The following ZFHX3 variants were observed in gnomAD, a reference collection of about 807,000 sequenced individuals.
The protein encoded by ZFHX3 is zinc finger homeobox 3.
Under a neutral mutation model 279.1 loss-of-function variants are expected in ZFHX3, and 42 were observed. The ratio of observed to expected loss-of-function variants is 0.15; its 90% confidence interval spans 0.12 to 0.19. The LOEUF is 0.19. ZFHX3 is among the 10% of genes least tolerant of loss of function. The pLI is 1.00. For missense variants in ZFHX3, 4,981 were observed against 4,754.0 expected (o/e 1.05, Z -1.40); for synonymous variants, 2,293 against 1,957.8 (o/e 1.17, Z -4.52).
chr16:73,001,540 TG>T (rs1245494148), intron 1 of ZFHX3, among the ~76,000 whole-genome samples: 1 of 151,838 alleles, frequency 6.6e-6, no homozygotes, highest in African/African-American at 2.4e-5. Context: ...AGGCCAGGAG[TG>T]CTGACTCATG....
rs1158037723 is a variant in ZFHX3, at chr16:72,944,657, A to AT, written c.3216+5811dup. Among the ~76,000 whole-genome samples the AT allele has an allele frequency of 4.6e-5, 7 of 152,174 alleles. No homozygotes were observed. The South Asian group carries it at 8.3e-4, about 18-fold the overall frequency. ...CTTTTTTATTCCTGGATTTTTCCAAATTTTTTTACAGTGAACATGCATTAC... is the reference window on the plus strand; with the variant it reads ...CTTTTTTATTCCTGGATTTTTCCAAATTTTTTTTACAGTGAACATGCATTAC... On this transcript the variant is annotated intron_variant, in intron 3 of 9. Coordinates refer to ENST00000268489, the MANE Select transcript of ZFHX3 (RefSeq NM_006885.4).
chr16:72,829,416 A>T, intron 5 of ZFHX3: 3 of 210,144 alleles, frequency 1.4e-5, no homozygotes, highest in Admixed American at 5.2e-5. Flanking sequence ...TGGACCTTCA[A>T]TAGAGGAAGA....
chr16:73,550,498 A>G (rs908601953), intron 2 of ZFHX3, among the ~76,000 whole-genome samples: 1 of 152,136 alleles, frequency 6.6e-6, no homozygotes, highest in Non-Finnish European at 1.5e-5. Context: ...TTTACACCAC[A>G]CAGGATAAAA....
chr16:73,028,369 G>A (rs1964584741), intron 1 of ZFHX3, among the ~76,000 whole-genome samples: 1 of 152,180 alleles, frequency 6.6e-6, no homozygotes, highest in African/African-American at 2.4e-5. Context: ...GTCCTGCCAG[G>A]AAGAAAGCCA....
intron 1 of ZFHX3, among the ~76,000 whole-genome samples, chr16:72,986,952 C>G (rs1361805084): frequency 6.6e-6 from 1 of 152,066 alleles, no homozygotes; most frequent in Non-Finnish European, 1.5e-5. Flanking sequence ...TTGAGATCAG[C>G]CTGGGTAACA....
chr16:73,045,704 T>C (rs1965270899), intron 1 of ZFHX3, among the ~76,000 whole-genome samples: 1 of 147,060 alleles, frequency 6.8e-6, no homozygotes, highest in African/African-American at 2.5e-5. Context: ...AGCAAGTGTT[T>C]CTCAATAGTT....
intron 2 of ZFHX3, among the ~76,000 whole-genome samples, chr16:73,674,639 T>C (rs1017773269): frequency 6.6e-6 from 1 of 152,030 alleles, no homozygotes; most frequent in African/African-American, 2.4e-5. Context: ...AGACCTAGAG[T>C]CTCTTTCTCT....
chr16:73,783,037 A>G (rs893325451), intron 1 of ZFHX3, among the ~76,000 whole-genome samples: 3 of 152,146 alleles, frequency 2.0e-5, no homozygotes, highest in Non-Finnish European at 4.4e-5. Flanking sequence ...GCTAGTTGCC[A>G]GAGAGAGAGG....
At chr16:72,967,255 G>A (rs1961885302) in intron 1 of ZFHX3, among the ~76,000 whole-genome samples, 1 of 152,152 alleles carries the variant, frequency 6.6e-6, no homozygotes, top group African/African-American at 2.4e-5. Flanking sequence ...CAATTCTTGG[G>A]CTGGAGCAGG....
intron 2 of ZFHX3, among the ~76,000 whole-genome samples, chr16:73,533,536 A>T (rs189412315): frequency 2.0e-5 from 3 of 151,820 alleles, no homozygotes; most frequent in African/African-American, 4.8e-5. Context: ...TTTAAATACC[A>T]TCTATGTCCC....
intron 1 of ZFHX3, among the ~76,000 whole-genome samples, chr16:73,046,538 C>T (rs1291201338): frequency 1.3e-5 from 2 of 152,056 alleles, no homozygotes; most frequent in East Asian, 1.9e-4. Context: ...ATTAACTGAA[C>T]GTGAAGATTT....
intron 1 of ZFHX3, among the ~76,000 whole-genome samples, chr16:73,008,801 A>G: frequency 6.6e-6 from 1 of 152,170 alleles, no homozygotes; most frequent in Non-Finnish European, 1.5e-5. Flanking sequence ...CTTGGCCCCA[A>G]GATGATTACA....
intron 5 of ZFHX3, among the ~76,000 whole-genome samples, chr16:73,200,351 C>A (rs1042274245): frequency 1.3e-5 from 2 of 151,866 alleles, no homozygotes; most frequent in African/African-American, 4.8e-5. Flanking sequence ...GCCATAAAAC[C>A]CCTTCATGAA....
intron 3 of ZFHX3, among the ~76,000 whole-genome samples, chr16:72,946,325 C>T (rs1414980783): frequency 6.6e-6 from 1 of 152,160 alleles, no homozygotes; most frequent in East Asian, 1.9e-4. Context: ...AGACTCAACA[C>T]CGTGGTAGAC....
rs552779119 is a variant in ZFHX3 at position 73,299,746 on chromosome 16, C to G, written c.-1194+18494G>C. Among the ~76,000 whole-genome samples the G allele has an allele frequency of 5.3e-5, 8 of 152,272 alleles. No individual in the cohort carries two copies. In the East Asian group the frequency reaches 1.5e-3, roughly 29 times the overall value. ...ATGCCCCATATTTCATCGTGCAAAT[C>G]ATAGGGCCTACCATGTTTGCAGGAT... On this transcript the variant is annotated intron_variant, in intron 4 of 17. Transcript: ENST00000641206.
At position 72,886,490 on chromosome 16, in the gene ZFHX3, T is replaced by C. The variant is rs76330206; in HGVS notation, c.3448+3241A>G. Among the ~76,000 whole-genome samples the C allele has an allele frequency of 1.7e-3, 263 of 152,240 alleles. 1 individual carries two copies. Among genetic ancestry groups the C allele is most frequent in the African/African-American group, 6.1e-3 (253 of 41,524 alleles). On this transcript the variant is annotated intron_variant, in intron 4 of 9. Coordinates refer to ENST00000268489, the MANE Select transcript of ZFHX3 (RefSeq NM_006885.4). ...CACTACATTCCAAAACAGGGAACTGTTTGTTCCAGGTCACCGACTCTGGGT... is the reference window on the plus strand; with the variant it reads ...CACTACATTCCAAAACAGGGAACTGCTTGTTCCAGGTCACCGACTCTGGGT...
intron 2 of ZFHX3, among the ~76,000 whole-genome samples, chr16:73,611,038 G>T (rs1482701690): frequency 6.6e-6 from 1 of 152,212 alleles, no homozygotes; most frequent in African/African-American, 2.4e-5. Flanking sequence ...ATCTACTCAA[G>T]CTGTCACCCC....
chr16:73,199,897 T>C (rs1426458864), intron 5 of ZFHX3, among the ~76,000 whole-genome samples: 1 of 152,186 alleles, frequency 6.6e-6, no homozygotes, highest in Non-Finnish European at 1.5e-5. Flanking sequence ...AGATTGGCAG[T>C]TCTTAGTGAA....
intron 1 of ZFHX3, among the ~76,000 whole-genome samples, chr16:73,713,151 C>T (rs1019869881): frequency 2.0e-5 from 3 of 152,214 alleles, no homozygotes; most frequent in East Asian, 1.9e-4. Flanking sequence ...AGTCATTTTA[C>T]ATGCTGGGAT....
Sources: allele counts gnomAD v4.1 joint callset (sites outside exome capture counted in the v4.1 genomes callset), GRCh38; gene constraint gnomAD v4.1.1; transcripts MANE v1.5; gene names NCBI Gene and HGNC (gene_info 2026-07-23, HGNC 2026-07-21).